The following SAFB2 variants were observed in gnomAD, a reference collection of about 807,000 sequenced individuals.
SAFB2 encodes the protein scaffold attachment factor B2.
A neutral mutation model predicts 100.6 loss-of-function variants in SAFB2; 32 were observed. That is an observed-to-expected ratio of 0.32 (90% CI 0.24 to 0.43). The LOEUF (loss-of-function observed/expected upper bound fraction) is 0.43. SAFB2 is among the 20% of genes least tolerant of loss of function. The probability of loss-of-function intolerance (pLI) is 1.00; values close to 1 mark genes in which losing one functional copy is unlikely to be tolerated. For synonymous variants in SAFB2, 500 were observed against 439.4 expected (o/e 1.14, Z -1.72); for missense variants, 1,185 against 1,163.4 (o/e 1.02, Z -0.27).
At chr19:5,619,897 T>C (rs1281707490) in intron 2 of SAFB2, among the ~76,000 whole-genome samples, 3 of 152,090 alleles carry the variant, frequency 2.0e-5, no homozygotes, top group African/African-American at 7.2e-5. Flanking sequence ...CAAGGATATT[T>C]TGAGTAGTAA....
At chr19:5,614,114 C>T (rs932487792) in intron 4 of SAFB2, among the ~76,000 whole-genome samples, 2 of 152,206 alleles carry the variant, frequency 1.3e-5, no homozygotes, top group East Asian at 1.9e-4. Context: ...CCACCACGCC[C>T]GGCTAATTTT....
Position 5,611,371 on chromosome 19 carries a change from C to T in SAFB2, c.894G>A (p.Glu298=), listed in dbSNP as rs1215277986. 8.5e-6 allele frequency: 3 copies of T among 350,976 alleles called. No individual in the cohort carries two copies. In the East Asian group the frequency reaches 1.4e-4, roughly 16 times the overall value. 21.7% of individuals were successfully genotyped at this position (350,976 alleles called of 1,614,324 possible). A position where few individuals can be genotyped will look rare whatever the true frequency, so the allele number is the denominator to read the frequency against. Residue 298 remains glutamate, a synonymous_variant, in exon 7 of 21, where the codon GAG becomes GAA. Coordinates refer to ENST00000252542, the MANE Select transcript of SAFB2 (RefSeq NM_014649.3). ...CCGTCCTCTCGCCATCGCCTGGCTG[C>T]TCCGCGGGCTCCCTTTTCACTACCG... ...LLAVVKREPA[E]QPGDGERTDC... is the part of the protein sequence containing the mutation.
chr19:5,610,164 C>G, intron 8 of SAFB2, 69 bp from the exon 9 acceptor site: 2 of 1,298,832 alleles, frequency 1.5e-6, no homozygotes, highest in Admixed American at 1.8e-5. Flanking sequence ...TTCTTAAGAC[C>G]GCAGCCCTCT....
Position 5,616,408 on chromosome 19 carries a change from C to T in SAFB2, c.339+14G>A, listed in dbSNP as rs1389390119. The T allele has an allele frequency of 1.9e-6, 3 of 1,613,950 alleles. No individual in the cohort carries two copies. In the African/African-American group the frequency reaches 4.0e-5, roughly 22 times the overall value. ...GGAGCTGCTGCTTGTCATCTCTACCCTGACATCACTTACCTGCCCGTCTCT... is the reference window on the plus strand; with the variant it reads ...GGAGCTGCTGCTTGTCATCTCTACCTTGACATCACTTACCTGCCCGTCTCT... On this transcript the variant is annotated intron_variant, in intron 3 of 20. Coordinates refer to ENST00000252542, the MANE Select transcript of SAFB2 (RefSeq NM_014649.3).
rs1282678164 is a variant in SAFB2 at position 5,589,533 on chromosome 19, G to A, written c.2525+745C>T. 2.0e-5 allele frequency among the ~76,000 whole-genome samples: 3 copies of A among 152,124 alleles called. No individual in the cohort carries two copies. In the East Asian group the frequency reaches 5.8e-4, roughly 30 times the overall value. ...GGGCTGGAGACAAGACAGGACACTC[G>A]GCTCACAGAGGAAAGCAGGGCAGCA... On this transcript the variant is annotated intron_variant, in intron 18 of 20. Coordinates refer to ENST00000252542, the MANE Select transcript of SAFB2 (RefSeq NM_014649.3).
chr19:5,602,204 G>A (rs968838344), intron 11 of SAFB2, among the ~76,000 whole-genome samples: 2 of 152,208 alleles, frequency 1.3e-5, no homozygotes, highest in South Asian at 2.1e-4. Context: ...TTCGCCGGGC[G>A]CGATGGCTCA....
chr19:5,587,562 AT>A lies in SAFB2; in HGVS notation c.2705+138del. The stretch of plus-strand genomic sequence containing the variant: ...GTATTCCAGGTAACTCAAGAGCGTT[AT>A]TTGCATAAATTGCAAAGAGCTGCTT... On this transcript the variant is annotated intron_variant, in intron 20 of 20. Transcript: ENST00000252542. This position sits in a 1 kb window ranked among gnomAD's most constrained non-coding sequence, Gnocchi z 4.9. 6.9e-7 allele frequency: 1 copy of A among 1,452,370 alleles called. No homozygotes were observed. The highest frequency in any genetic ancestry group is 9.1e-7 in the Non-Finnish European group (1 of 1,093,932). The allele number at this position is 1,452,370 out of a possible 1,614,324, so 90.0% of individuals were successfully genotyped here. A position where few individuals can be genotyped will look rare whatever the true frequency, so the allele number is the denominator to read the frequency against.
At position 5,616,651 on chromosome 19, in the gene SAFB2, T is replaced by C. The variant is rs1176766973; in HGVS notation, c.275-165A>G. ...TTGTCTCAATTTGTTTTCTTTTTTTTTTTTTTTTTTTTTTTTTTGAGATGG... is the reference window on the plus strand; with the variant it reads ...TTGTCTCAATTTGTTTTCTTTTTTTCTTTTTTTTTTTTTTTTTTGAGATGG... On this transcript the variant is annotated intron_variant, in intron 2 of 20. Coordinates refer to ENST00000252542, the MANE Select transcript of SAFB2 (RefSeq NM_014649.3). 2.0e-4 allele frequency among the ~76,000 whole-genome samples: 26 copies of C among 131,264 alleles called. No individual in the cohort carries two copies. The South Asian group carries it at 5.4e-3, about 27-fold the overall frequency. The allele number at this position is 131,264 out of a possible 152,430, so 86.1% of individuals were successfully genotyped here. A position where few individuals can be genotyped will look rare whatever the true frequency, so the allele number is the denominator to read the frequency against.
At chr19:5,618,609 A>G (rs1405891477) in intron 2 of SAFB2, among the ~76,000 whole-genome samples, 4 of 152,228 alleles carry the variant, frequency 2.6e-5, no homozygotes, top group South Asian at 2.1e-4. Context: ...CCCACTTCGC[A>G]TTATATCTAA....
intron 15 of SAFB2, 55 bp from the exon 16 acceptor site, chr19:5,592,942 A>G: frequency 6.4e-7 from 1 of 1,573,022 alleles, no homozygotes; most frequent in South Asian, 1.1e-5. Context: ...GAGGAGGAGG[A>G]AAAAAGGAGG....
chr19:5,587,614 C>T lies in SAFB2; in HGVS notation c.2705+87G>A. Reference sequence around the variant, plus strand: ...TTTGCTTTGTTTTCATAACATCCAACCCAGCCAGCTGATCAAACATGCAAA... The same window carrying T: ...TTTGCTTTGTTTTCATAACATCCAATCCAGCCAGCTGATCAAACATGCAAA... On this transcript the variant is annotated intron_variant, in intron 20 of 20. Coordinates refer to ENST00000252542, the MANE Select transcript of SAFB2 (RefSeq NM_014649.3). The surrounding 1 kb of genome is among the most constrained non-coding windows in gnomAD (Gnocchi z 4.9). 1.4e-6 allele frequency: 2 copies of T among 1,472,638 alleles called. No individual in the cohort carries two copies. Among genetic ancestry groups the T allele is most frequent in the Non-Finnish European group, 9.1e-7 (1 of 1,102,818 alleles). 91.2% of individuals were successfully genotyped at this position (1,472,638 alleles called of 1,614,324 possible).
In SAFB2 at chr19:5,590,282, G is replaced by A; in HGVS notation, c.2521C>T (p.Pro841Ser). The change falls in exon 18 of 21, where the codon CCC (proline) becomes TCC (serine). Residue 841 changes from proline (P) to serine (S), a missense_variant. Around this residue, in one of 3 missense-constraint regions of SAFB2, gnomAD observed 740 missense variants for 687.1 expected, o/e 1.08. Transcript: ENST00000252542. ...LSEGRGLPPP[P>S]RGGRDWGEHN... ...GGCTGGGGCTCACCCACTAACCTGG[G>A]GGGAGGGGGCAGCCCCCGGCCTTCA... 3.1e-6 allele frequency: 5 copies of A among 1,595,336 alleles called. No individual in the cohort carries two copies. Among genetic ancestry groups the A allele is most frequent in the Non-Finnish European group, 4.3e-6 (5 of 1,172,082 alleles).
At chr19:5,602,336 C>T (rs1208901348) in intron 11 of SAFB2, among the ~76,000 whole-genome samples, 4 of 151,600 alleles carry the variant, frequency 2.6e-5, no homozygotes, top group Admixed American at 2.0e-4. Context: ...AAAAATTAGC[C>T]GGGCGTGGTG....
intron 9 of SAFB2, among the ~76,000 whole-genome samples, chr19:5,609,090 A>T (rs929649347): frequency 1.3e-5 from 2 of 151,214 alleles, no homozygotes; most frequent in African/African-American, 4.8e-5. Context: ...ACAAACAAAC[A>T]AAAAAAGAAG....
chr19:5,594,252 G>T, intron 14 of SAFB2, 74 bp from the exon 15 acceptor site: 3 of 1,452,824 alleles, frequency 2.1e-6, no homozygotes, highest in Non-Finnish European at 2.7e-6. Flanking sequence ...CCCAAAACTG[G>T]GTGTGTATTG....
intron 13 of SAFB2, chr19:5,598,435 T>C (rs567816471): frequency 1.8e-5 from 5 of 271,106 alleles, no homozygotes; most frequent in Non-Finnish European, 2.9e-5. Flanking sequence ...AAAAAACCAA[T>C]GGAAGAAAGT....
intron 4 of SAFB2, among the ~76,000 whole-genome samples, chr19:5,614,532 G>C (rs964004193): frequency 1.3e-5 from 2 of 152,196 alleles, no homozygotes; most frequent in Non-Finnish European, 2.9e-5. Flanking sequence ...GTTGCTCAGT[G>C]CTGCCCTAGG....
chr19:5,618,152 G>A (rs1298662557), intron 2 of SAFB2, among the ~76,000 whole-genome samples: 1 of 152,036 alleles, frequency 6.6e-6, no homozygotes, highest in Non-Finnish European at 1.5e-5. Flanking sequence ...CATACACACC[G>A]ATAAAGAAAA....
intron 2 of SAFB2, among the ~76,000 whole-genome samples, chr19:5,617,694 G>A (rs1184821167): frequency 1.1e-4 from 16 of 152,214 alleles, no homozygotes; most frequent in South Asian, 2.1e-4. Context: ...TGCTGGTCAC[G>A]ACCCTGCAAT....
Sources: allele counts gnomAD v4.1 joint callset (sites outside exome capture counted in the v4.1 genomes callset), GRCh38; gene constraint gnomAD v4.1.1; regional missense constraint gnomAD v4.1.1; non-coding constraint Gnocchi (gnomAD v3.1); transcripts MANE v1.5; gene names NCBI Gene and HGNC (gene_info 2026-07-23, HGNC 2026-07-21).